Variants in NYAP2 observed in about 807,000 individuals in gnomAD.
NYAP2 encodes the protein neuronal tyrosine-phosphorylated phosphoinositide-3-kinase adaptor 2.
In NYAP2, 23 loss-of-function variants were observed where a neutral mutation model predicts 50.4. The ratio of observed to expected loss-of-function variants is 0.46; its 90% CI spans 0.33 to 0.65. The LOEUF (loss-of-function observed/expected upper bound fraction) is 0.65, where lower values mean the gene tolerates loss of function less well. Ranked by LOEUF, NYAP2 falls within the 30% of genes least tolerant of loss-of-function variation. The pLI, the probability that NYAP2 is intolerant of heterozygous loss-of-function variation, is 0.02. For missense variants in NYAP2, 885 were observed against 861.0 expected (o/e 1.03, Z -0.35); for synonymous variants, 394 against 365.2 (o/e 1.08, Z -0.90).
chr2:225,645,257 A>C (rs1048060528), intron 6 of NYAP2, among the ~76,000 whole-genome samples: 1 of 151,850 alleles, frequency 6.6e-6, no homozygotes, highest in Non-Finnish European at 1.5e-5. Context: ...AAAAAAAAGA[A>C]GAAGAAAAAA....
intron 3 of NYAP2, among the ~76,000 whole-genome samples, chr2:225,464,881 C>T (rs776652244): frequency 8.5e-5 from 13 of 152,124 alleles, no homozygotes; most frequent in Admixed American, 3.3e-4. Context: ...ATCTGTAATG[C>T]GTGTTCGTTT....
intron 3 of NYAP2, among the ~76,000 whole-genome samples, chr2:225,444,328 G>A (rs1345202752): frequency 1.3e-5 from 2 of 152,136 alleles, no homozygotes; most frequent in African/African-American, 4.8e-5. Flanking sequence ...CTCACCCTGA[G>A]TACAGTGTTT....
chr2:225,629,152 G>A (rs987107240), intron 6 of NYAP2, among the ~76,000 whole-genome samples: 1 of 152,178 alleles, frequency 6.6e-6, no homozygotes, highest in African/African-American at 2.4e-5. Context: ...AGAACTAGGG[G>A]AGTCAATGGT....
intron 4 of NYAP2, among the ~76,000 whole-genome samples, chr2:225,525,677 T>C (rs895980364): frequency 1.3e-5 from 2 of 152,120 alleles, no homozygotes; most frequent in Non-Finnish European, 2.9e-5. Flanking sequence ...GGATACAATG[T>C]GCACTATTTG....
At chr2:225,437,296 C>T (rs1223103875) in intron 3 of NYAP2, among the ~76,000 whole-genome samples, 1 of 152,086 alleles carries the variant, frequency 6.6e-6, no homozygotes, top group Non-Finnish European at 1.5e-5. Flanking sequence ...CAGTATATGA[C>T]AGTTGTGAAG....
chr2:225,547,945 A>G (rs921808834), intron 4 of NYAP2, among the ~76,000 whole-genome samples: 1 of 152,102 alleles, frequency 6.6e-6, no homozygotes, highest in Non-Finnish European at 1.5e-5. Context: ...TATCCCTACT[A>G]TATTTCCTGA....
At chr2:225,618,863 G>A (rs1206111597) in intron 5 of NYAP2, among the ~76,000 whole-genome samples, 1 of 152,224 alleles carries the variant, frequency 6.6e-6, no homozygotes, top group Non-Finnish European at 1.5e-5. Context: ...GCAGGTAGGG[G>A]CTTTTGCCTT....
intron 4 of NYAP2, among the ~76,000 whole-genome samples, chr2:225,570,326 A>G (rs1277850982): frequency 6.6e-6 from 1 of 152,226 alleles, no homozygotes; most frequent in Non-Finnish European, 1.5e-5. Flanking sequence ...AGATGGGTAC[A>G]TAGAACTAGA....
intron 3 of NYAP2, among the ~76,000 whole-genome samples, chr2:225,501,302 T>G (rs889310991): frequency 6.6e-6 from 1 of 152,228 alleles, no homozygotes; most frequent in Admixed American, 6.5e-5. Flanking sequence ...GAGTAGCCTC[T>G]TGACTCTGGA....
chr2:225,594,610 T>A (rs1448072031), intron 5 of NYAP2, among the ~76,000 whole-genome samples: 1 of 152,194 alleles, frequency 6.6e-6, no homozygotes, highest in Non-Finnish European at 1.5e-5. Context: ...CACAAAGCTA[T>A]CATTATGTGA....
chr2:225,631,008 C>T (rs1693304269), intron 6 of NYAP2, among the ~76,000 whole-genome samples: 1 of 152,196 alleles, frequency 6.6e-6, no homozygotes, highest in African/African-American at 2.4e-5. Flanking sequence ...TGAGACTAGA[C>T]TCCTTTGGCG....
intron 5 of NYAP2, among the ~76,000 whole-genome samples, chr2:225,583,426 A>G (rs1261473872): frequency 1.3e-5 from 2 of 152,186 alleles, no homozygotes; most frequent in Non-Finnish European, 2.9e-5. Context: ...CTTAACGTGC[A>G]AAATGTGTTA....
the NYAP2 span, among the ~76,000 whole-genome samples, chr2:225,688,692 C>T: frequency 6.6e-4 from 100 of 152,266 alleles, no homozygotes; most frequent in African/African-American, 2.4e-3. Context: ...ATCATCTTAT[C>T]CATTTTATTC....
At chr2:225,515,020 T>A (rs1283890630) in intron 4 of NYAP2, among the ~76,000 whole-genome samples, 4 of 152,178 alleles carry the variant, frequency 2.6e-5, no homozygotes, top group Non-Finnish European at 5.9e-5. Context: ...GCCTATGAGG[T>A]ATGTGCCATC....
chr2:225,697,218 T>C, the NYAP2 span, among the ~76,000 whole-genome samples: 1 of 151,944 alleles, frequency 6.6e-6, no homozygotes, highest in Non-Finnish European at 1.5e-5. Context: ...GAAGCAGTGG[T>C]TACTTGTCCA....
intron 3 of NYAP2, among the ~76,000 whole-genome samples, chr2:225,420,060 G>T (rs907125133): frequency 2.0e-5 from 3 of 152,160 alleles, no homozygotes; most frequent in Non-Finnish European, 2.9e-5. Flanking sequence ...TATTAAACTG[G>T]CTTCCAAGAG....
At chr2:225,441,778 G>A (rs960355229) in intron 3 of NYAP2, among the ~76,000 whole-genome samples, 2 of 152,204 alleles carry the variant, frequency 1.3e-5, no homozygotes, top group Admixed American at 1.3e-4. Context: ...TAAGATTTGA[G>A]TGGGGACACA....
chr2:225,480,653 T>C (rs998692333), intron 3 of NYAP2, among the ~76,000 whole-genome samples: 1 of 152,044 alleles, frequency 6.6e-6, no homozygotes, highest in Non-Finnish European at 1.5e-5. Context: ...AAGAAGGATC[T>C]TAAAGGGAAA....
chr2:225,404,812 A>G (rs532822997), intron 2 of NYAP2, among the ~76,000 whole-genome samples: 16 of 152,170 alleles, frequency 1.1e-4, no homozygotes, highest in African/African-American at 3.1e-4. Context: ...AAACTTAAAC[A>G]AAAAGAGTCT....
Sources: gnomAD v4.1 joint callset for allele counts (sites outside exome capture counted in the v4.1 genomes callset) on GRCh38, gnomAD v4.1.1 for gene constraint, MANE v1.5 for transcripts, NCBI Gene and HGNC (gene_info 2026-07-23, HGNC 2026-07-21) for gene names.